Variants in MIDEAS observed in about 807,000 individuals in gnomAD.
The protein encoded by MIDEAS is mitotic deacetylase-associated SANT domain protein.
A neutral mutation model predicts 102.7 loss-of-function variants in MIDEAS; 26 were observed. That is an observed-to-expected ratio of 0.25 (90% CI 0.19 to 0.35). The LOEUF (loss-of-function observed/expected upper bound fraction) is 0.35, where lower values mean the gene tolerates loss of function less well. MIDEAS is among the 10% of genes least tolerant of loss of function. The probability of loss-of-function intolerance (pLI) is 1.00; values close to 1 mark genes in which losing one functional copy is unlikely to be tolerated. For missense variants in MIDEAS, 1,231 were observed against 1,435.6 expected (o/e 0.86, Z 2.30); for synonymous variants, 585 against 591.0 (o/e 0.99, Z 0.15).
At chr14:73,764,359 A>AAAC (rs1555345441), upstream of MIDEAS, among the ~76,000 whole-genome samples, 9 of 117,704 alleles carry the variant, frequency 7.6e-5, no homozygotes, top group East Asian at 6.2e-4. Flanking sequence ...AAAAAAAAAA[A>AAAC]AAAACAAAAC....
At position 73,718,984 on chromosome 14, in the gene MIDEAS, G is replaced by A. The variant is rs1037205058; in HGVS notation, c.3159C>T (p.Arg1053=). Reference sequence around the variant, plus strand: ...CTGCGTGGCTCTTCATATGCGCACTGCGGCTCTTCACCTTGTAAAACACCC... The same window carrying A: ...CTGCGTGGCTCTTCATATGCGCACTACGGCTCTTCACCTTGTAAAACACCC... The part of the protein sequence containing the change: ...CGRVFYKVKS[R]SAHMKSHAEQ... Residue 1053 remains arginine (R), a synonymous_variant, in exon 13 of 13, where the codon CGC becomes CGT. Coordinates refer to ENST00000423556, the MANE Select transcript of MIDEAS (RefSeq NM_001367710.1). 1 of 1,505,282 alleles carries A rather than the reference G, an allele frequency of 6.6e-7. No homozygotes were observed. 93.2% of individuals were successfully genotyped at this position (1,505,282 alleles called of 1,614,324 possible). A position where few individuals can be genotyped will look rare whatever the true frequency, so the allele number is the denominator to read the frequency against.
intron 3 of MIDEAS, among the ~76,000 whole-genome samples, chr14:73,731,871 AAAGT>A (rs1566588054): frequency 6.6e-6 from 1 of 152,280 alleles, no homozygotes; most frequent in East Asian, 1.9e-4. Context: ...TGCATGAAAG[AAAGT>A]ATCTGTAGTA....
intron 1 of MIDEAS, among the ~76,000 whole-genome samples, chr14:73,781,013 T>C (rs2053751756): frequency 6.6e-6 from 1 of 152,118 alleles, no homozygotes; most frequent in African/African-American, 2.4e-5. Context: ...ACTGAGAAGA[T>C]GGAGTCCTTG....
chr14:73,772,050 G>C (rs1031124829), intron 1 of MIDEAS, among the ~76,000 whole-genome samples: 25 of 152,332 alleles, frequency 1.6e-4, no homozygotes, highest in African/African-American at 6.0e-4. Context: ...AAAATCGTCT[G>C]GGGCCCTGAG....
intron 1 of MIDEAS, among the ~76,000 whole-genome samples, chr14:73,782,898 C>T (rs950252907): frequency 5.3e-5 from 8 of 152,126 alleles, no homozygotes; most frequent in Non-Finnish European, 1.2e-4. Context: ...GCAGAGGAGG[C>T]AGGCTTGGCT....
At chr14:73,730,020 C>G in intron 3 of MIDEAS, 35 bp from the exon 4 acceptor site, 1 of 1,597,852 alleles carries the variant, frequency 6.3e-7, no homozygotes, top group East Asian at 2.2e-5. Flanking sequence ...CGGCTCAGCC[C>G]CCCGTGTCCC....
chr14:73,741,660 C>T (rs1450763893), intron 1 of MIDEAS, among the ~76,000 whole-genome samples: 2 of 150,732 alleles, frequency 1.3e-5, no homozygotes, highest in Non-Finnish European at 3.0e-5. Flanking sequence ...TGCAGGCTTC[C>T]GCAGCTCCCC....
intron 1 of MIDEAS, among the ~76,000 whole-genome samples, chr14:73,767,601 G>A (rs1353890400): frequency 2.0e-5 from 3 of 152,004 alleles, no homozygotes; most frequent in Non-Finnish European, 4.4e-5. Flanking sequence ...CTGCACCACT[G>A]CACTCCAGCC....
intron 1 of MIDEAS, among the ~76,000 whole-genome samples, chr14:73,773,633 C>T (rs530870917): frequency 6.6e-6 from 1 of 152,016 alleles, no homozygotes. Context: ...ACTCTGCAAA[C>T]AATATAAGCC....
In MIDEAS at chr14:73,738,642, C is replaced by T. The variant is rs146209706; in HGVS notation, c.1367G>A (p.Arg456Gln). The change falls in exon 2 of 13, where the codon CGG becomes CAG. Residue 456 changes from arginine (R) to glutamine (Q), a missense_variant. Arg to Gln is a conservative substitution (Grantham distance 43). Transcript: ENST00000423556. ...LRGGVIQSTRRRRRASQEANL... is the reference protein window; with the variant it reads ...LRGGVIQSTRQRRRASQEANL... ...GGCCTCCTGGGATGCCCGGCGCCTCCGTCGCGTGCTCTGGATCACTCCGCC... is the reference window on the plus strand; with the variant it reads ...GGCCTCCTGGGATGCCCGGCGCCTCTGTCGCGTGCTCTGGATCACTCCGCC... 4,892 of 1,613,468 alleles carry T rather than the reference C, an allele frequency of 3.0e-3. 10 individuals are homozygous for T. The highest frequency in any genetic ancestry group is 3.8e-3 in the Non-Finnish European group (4,426 of 1,179,746).
chr14:73,737,183 T>A lies in MIDEAS; in HGVS notation c.1564A>T (p.Met522Leu). Residue 522 changes from methionine (M) to leucine (L), a missense_variant, in exon 3 of 13, where the codon ATG becomes TTG. Transcript: ENST00000423556. ...GACACTGGGATGATGAGGGGTACCA[T>A]CCCACTGTCTTCTCGTGCTCGCTTG... ...ATKRAREDSGMVPLIIPVSVP... is the reference protein window; with the variant it reads ...ATKRAREDSGLVPLIIPVSVP... The A allele has an allele frequency of 6.2e-7, 1 of 1,614,090 alleles. No individual in the cohort carries two copies. The highest frequency in any genetic ancestry group is 8.5e-7 in the Non-Finnish European group (1 of 1,180,018).
At position 73,733,561 on chromosome 14, in the gene MIDEAS, C is replaced by T. The variant is rs1276722569; in HGVS notation, c.1749+3437G>A. On this transcript the variant is annotated intron_variant, in intron 3 of 12. Transcript: ENST00000423556. ...CTGAGATCATGCCACTGCACTCCAG[C>T]CTGCACAACAGAGTGAGACTCCATC... Among the ~76,000 whole-genome samples, 4 of 152,100 alleles carry T rather than the reference C, an allele frequency of 2.6e-5. No homozygotes were observed. In the East Asian group the frequency reaches 5.8e-4, roughly 22 times the overall value.
chr14:73,786,805 G>A lies in MIDEAS; in HGVS notation c.-248+297C>T, dbSNP rs926693829. ...GCTGGGCGGAGGGCTGGCTGCAGACGTAGGCCCCGGAAAGCCCCTTCCCCC... is the reference window on the plus strand; with the variant it reads ...GCTGGGCGGAGGGCTGGCTGCAGACATAGGCCCCGGAAAGCCCCTTCCCCC... On this transcript the variant is annotated intron_variant, in intron 1 of 11. Transcript: ENST00000394071. Among the ~76,000 whole-genome samples, 3 of 152,216 alleles carry A rather than the reference G, an allele frequency of 2.0e-5. No homozygotes were observed. The East Asian group carries it at 5.8e-4, about 29-fold the overall frequency.
At position 73,722,834 on chromosome 14, in the gene MIDEAS, G is replaced by C. The variant is rs867197351; in HGVS notation, c.2588C>G (p.Thr863Ser). The part of the protein sequence containing the change: ...FLVQKLIQTK[T>S]VAQCVEFYYT... The stretch of plus-strand genomic sequence containing the variant: ...GTAGAACTCCACGCACTGGGCCACG[G>C]TCTTGGTCTGGATCTGGTTTGAAGT... Residue 863 changes from threonine to serine, a missense_variant, in exon 10 of 13, where the codon ACC (threonine) becomes AGC (serine). Coordinates refer to ENST00000423556, the MANE Select transcript of MIDEAS (RefSeq NM_001367710.1). 1 of 1,614,152 alleles carries C rather than the reference G, an allele frequency of 6.2e-7. No individual in the cohort carries two copies. Among genetic ancestry groups the C allele is most frequent in the Non-Finnish European group, 8.5e-7 (1 of 1,179,992 alleles).
chr14:73,774,656 C>A (rs566835143), intron 1 of MIDEAS, among the ~76,000 whole-genome samples: 1 of 151,898 alleles, frequency 6.6e-6, no homozygotes, highest in African/African-American at 2.4e-5. Flanking sequence ...AGTGGGGCCC[C>A]GATACAGGTT....
chr14:73,726,542 AGACATG>A, intron 7 of MIDEAS, 56 bp downstream of exon 7: 1 of 1,499,692 alleles, frequency 6.7e-7, no homozygotes, highest in Non-Finnish European at 9.2e-7. Flanking sequence ...CCTGAGCAGC[AGACATG>A]GATCCAAGCC....
chr14:73,786,124 G>A (rs1044130654), intron 1 of MIDEAS, among the ~76,000 whole-genome samples: 25 of 152,194 alleles, frequency 1.6e-4, no homozygotes, highest in Non-Finnish European at 3.1e-4. Context: ...GAGTCTCCAC[G>A]GCTCGGACGC....
In MIDEAS at chr14:73,738,660, A is replaced by G. The variant is rs2053235670; in HGVS notation, c.1349T>C (p.Val450Ala). The stretch of plus-strand genomic sequence containing the variant: ...GCGCCTCCGTCGCGTGCTCTGGATC[A>G]CTCCGCCCCGTAGCACCTGCCCACA... ...GDCGQVLRGGVIQSTRRRRRA... is the reference protein window; with the variant it reads ...GDCGQVLRGGAIQSTRRRRRA... Residue 450 changes from valine to alanine, a missense_variant, in exon 2 of 13, where the codon GTG becomes GCG. By Grantham distance (64) the Val-to-Ala change is moderately conservative (BLOSUM62 0). Around this residue, in one of 5 missense-constraint regions of MIDEAS, gnomAD observed 758 missense variants for 856.0 expected, o/e 0.89. Transcript: ENST00000423556. 1 of 1,613,186 alleles carries G rather than the reference A, an allele frequency of 6.2e-7. No homozygotes were observed. Among genetic ancestry groups the G allele is most frequent in the Admixed American group, 1.7e-5 (1 of 59,938 alleles).
rs754090273 is a variant in MIDEAS, at chr14:73,738,914, G to A, written c.1095C>T (p.Thr365=). 7.2e-6 allele frequency: 11 copies of A among 1,532,328 alleles called. No homozygotes were observed. The highest frequency in any genetic ancestry group is 8.8e-7 in the Non-Finnish European group (1 of 1,141,912). 94.9% of individuals were successfully genotyped at this position (1,532,328 alleles called of 1,614,324 possible). A position where few individuals can be genotyped will look rare whatever the true frequency, so the allele number is the denominator to read the frequency against. The change falls in exon 2 of 13, where the codon ACC becomes ACT. Residue 365 remains threonine (T), a synonymous_variant. Transcript: ENST00000423556. ...LPPSALDGAG[T]QPGQEATGNL... The stretch of plus-strand genomic sequence containing the variant: ...TGCCAGTGGCCTCCTGCCCAGGCTG[G>A]GTGCCAGCCCCATCCAGGGCGCTGG...
Sources: gnomAD v4.1 joint callset for allele counts (sites outside exome capture counted in the v4.1 genomes callset) on GRCh38, gnomAD v4.1.1 for gene constraint, gnomAD v4.1.1 regional missense constraint, MANE v1.5 for transcripts, NCBI Gene and HGNC (gene_info 2026-07-23, HGNC 2026-07-21) for gene names.